Variants in RASL11B observed in about 807,000 individuals in gnomAD.
The protein encoded by RASL11B is RAS like family 11 member B.
Under a neutral mutation model 22.9 loss-of-function variants are expected in RASL11B, and 14 were observed. The ratio of observed to expected loss-of-function variants is 0.61; its 90% CI spans 0.40 to 0.96. The LOEUF (loss-of-function observed/expected upper bound fraction) is 0.96, where lower values mean the gene tolerates loss of function less well. Among genes scored for constraint, RASL11B ranks in the 40% least tolerant of loss-of-function variants. The pLI is 0.00. For missense variants in RASL11B, 261 were observed against 322.0 expected (o/e 0.81, Z 1.45); for synonymous variants, 143 against 130.2 (o/e 1.10, Z -0.67).
chr4:52,864,015 T>A (rs185113011), intron 2 of RASL11B: 2 of 164,906 alleles, frequency 1.2e-5, no homozygotes, highest in African/African-American at 4.8e-5. Flanking sequence ...TCTGATTTGA[T>A]GTAGAGTTGA....
rs770806932 is a variant in RASL11B at position 52,865,804 on chromosome 4, G to A, written c.746G>A (p.Ter249=). The A allele has an allele frequency of 8.1e-6, 13 of 1,610,604 alleles. No homozygotes were observed. In the African/African-American group the frequency reaches 1.7e-4, roughly 22 times the overall value. Residue 249 remains the stop codon, a stop_retained_variant, in exon 4 of 4, where the codon TGA becomes TAA. Coordinates refer to ENST00000248706, the MANE Select transcript of RASL11B (RefSeq NM_023940.3). ...AAAGTGAGGACTGTCACCTCCGTCT[G>A]AAGCAGGAGGAGCACTCAAGGGGGT... ...SAKVRTVTSV[*] is the part of the protein sequence containing the mutation.
At chr4:52,864,575 G>C (rs771777988) in intron 3 of RASL11B, 21 bp downstream of exon 3, 2 of 1,480,748 alleles carry the variant, frequency 1.4e-6, no homozygotes, top group Admixed American at 3.3e-5. Flanking sequence ...CTGAGACTCT[G>C]GGTGAAAGGG....
At chr4:52,864,265 CA>C (rs3841110) in intron 2 of RASL11B, 49,180 of 455,460 alleles carry the variant, frequency 0.11, 3,116 homozygotes, top group Middle Eastern at 0.14. Flanking sequence ...CAAAAACTTG[CA>C]AACTTTGCCC....
At position 52,866,100 on chromosome 4, in the gene RASL11B, A is replaced by G. The variant is rs1718255299; in HGVS notation, c.*295A>G. On this transcript the variant is annotated 3_prime_UTR_variant, in exon 4 of 4. Coordinates refer to ENST00000248706, the MANE Select transcript of RASL11B (RefSeq NM_023940.3). ...ATAATCGTTTCGGTTTCTGCATTCAACTACCTTGTAAATGGTGGTCCGTTG... is the reference window on the plus strand; with the variant it reads ...ATAATCGTTTCGGTTTCTGCATTCAGCTACCTTGTAAATGGTGGTCCGTTG... The G allele has an allele frequency of 9.9e-6, 4 of 404,952 alleles. No individual in the cohort carries two copies. In the South Asian group the frequency reaches 1.6e-4, roughly 16 times the overall value. 25.1% of individuals were successfully genotyped at this position (404,952 alleles called of 1,614,324 possible).
In RASL11B at chr4:52,865,893, A is replaced by AT; in HGVS notation, c.*90dup. On this transcript the variant is annotated 3_prime_UTR_variant, in exon 4 of 4. Transcript: ENST00000248706. ...GCAGGAACGTTGAATATTGGCAATG[A>AT]TTCCTGGTTCCAGAAAGGGCTGGAG... 2.1e-6 allele frequency: 2 copies of AT among 967,446 alleles called. No individual in the cohort carries two copies. The highest frequency in any genetic ancestry group is 5.2e-5 in the East Asian group (2 of 38,644). 59.9% of individuals were successfully genotyped at this position (967,446 alleles called of 1,614,324 possible).
chr4:52,863,233 G>C, intron 1 of RASL11B, 35 bp from the exon 2 acceptor site: 1 of 1,600,784 alleles, frequency 6.2e-7, no homozygotes, highest in African/African-American at 1.3e-5. Flanking sequence ...AACTTCCAAG[G>C]TTAACACTTT....
rs184763091 is a variant in RASL11B, at chr4:52,865,976, A to G, written c.*171A>G. On this transcript the variant is annotated 3_prime_UTR_variant, in exon 4 of 4. Coordinates refer to ENST00000248706, the MANE Select transcript of RASL11B (RefSeq NM_023940.3). ...CAGAAAAGGAAGTGTTGTTCTGAGC[A>G]GGGGGACAGGATTGATGAGGCTTGA... is the stretch of plus-strand genomic sequence containing the variant. 3.6e-5 allele frequency: 22 copies of G among 611,260 alleles called. No individual in the cohort carries two copies. Among genetic ancestry groups the G allele is most frequent in the East Asian group, 3.3e-4 (12 of 36,426 alleles). 37.9% of individuals were successfully genotyped at this position (611,260 alleles called of 1,614,324 possible). A position where few individuals can be genotyped will look rare whatever the true frequency, so the allele number is the denominator to read the frequency against.
intron 1 of RASL11B, 141 bp from the exon 2 acceptor site, chr4:52,863,127 C>A: frequency 1.4e-6 from 1 of 724,148 alleles, no homozygotes; most frequent in South Asian, 1.6e-5. Context: ...AAAGAAGGGT[C>A]AAGGAGCTAC....
intron 2 of RASL11B, chr4:52,864,276 C>T: frequency 2.1e-6 from 1 of 478,100 alleles, no homozygotes; most frequent in Non-Finnish European, 3.7e-6. Context: ...AAACTTTGCC[C>T]TGGTTTTAAT....
chr4:52,863,151 C>A (rs1718193425), intron 1 of RASL11B, 117 bp from the exon 2 acceptor site: 1 of 847,650 alleles, frequency 1.2e-6, no homozygotes, highest in South Asian at 1.5e-5. Context: ...GTAGGAATTT[C>A]ACTTGGTGGC....
Position 52,862,465 on chromosome 4 carries a change from A to G in RASL11B, c.-43A>G. 3 of 1,576,946 alleles carry G rather than the reference A, an allele frequency of 1.9e-6. No individual in the cohort carries two copies. The highest frequency in any genetic ancestry group is 8.6e-7 in the Non-Finnish European group (1 of 1,164,728). On this transcript the variant is annotated 5_prime_UTR_variant, in exon 1 of 4. Coordinates refer to ENST00000248706, the MANE Select transcript of RASL11B (RefSeq NM_023940.3). ...CTCCCGCGCAGCGCTAGCATTCTCC[A>G]GTCCCTCAGTCCCTTCCCGCGCGGT...
In RASL11B at chr4:52,865,490, G is replaced by A; in HGVS notation, c.432G>A (p.Arg144=). 6.2e-7 allele frequency: 1 copy of A among 1,614,210 alleles called. No individual in the cohort carries two copies. The highest frequency in any genetic ancestry group is 2.2e-5 in the East Asian group (1 of 44,878). ...QHVQQLHLGT[R]LPVVVVANKA... is the part of the protein sequence containing the mutation. ...TGCAGCAGCTACACCTGGGCACCCG[G>A]CTGCCTGTGGTGGTCGTGGCCAACA... is the stretch of plus-strand genomic sequence containing the variant. Residue 144 remains arginine (R), a synonymous_variant, in exon 4 of 4, where the codon CGG becomes CGA. Transcript: ENST00000248706.
Position 52,865,620 on chromosome 4 carries a change from AATG to A in RASL11B, c.566_568del (p.Asp189del), listed in dbSNP as rs1718242208. ...TGAAGTGTCTGTCAGTGAAAATTATAATGATGTCTACAGCGCCTTCCACGTCCT... is the reference window on the plus strand; with the variant it reads ...TGAAGTGTCTGTCAGTGAAAATTATAATGTCTACAGCGCCTTCCACGTCCT... On this transcript the variant is annotated inframe_deletion, in exon 4 of 4. Transcript: ENST00000248706. 1 of 1,614,062 alleles carries A rather than the reference AATG, an allele frequency of 6.2e-7. No homozygotes were observed. The highest frequency in any genetic ancestry group is 8.5e-7 in the Non-Finnish European group (1 of 1,180,020).
intron 1 of RASL11B, among the ~76,000 whole-genome samples, chr4:52,862,959 G>T (rs1718188125): frequency 6.6e-6 from 1 of 152,062 alleles, no homozygotes; most frequent in South Asian, 2.1e-4. Context: ...AGTGAAGCTA[G>T]CCCCCCTGGG....
rs1421946268 is a variant in RASL11B, at chr4:52,865,543, T to TTGA, written c.486_488dup (p.Asp163dup). 6.2e-7 allele frequency: 1 copy of TTGA among 1,614,182 alleles called. No individual in the cohort carries two copies. The highest frequency in any genetic ancestry group is 8.5e-7 in the Non-Finnish European group (1 of 1,180,032). On this transcript the variant is annotated inframe_insertion, in exon 4 of 4. Transcript: ENST00000248706. Reference sequence around the variant, plus strand: ...GCTGACCTGTTGCACATCAAACAGGTTGACCCTCAGCTTGGACTGCAGCTA... The same window carrying TTGA: ...GCTGACCTGTTGCACATCAAACAGGTTGATGACCCTCAGCTTGGACTGCAGCTA...
At position 52,865,496 on chromosome 4, in the gene RASL11B, T is replaced by C; in HGVS notation, c.438T>C (p.Pro146=). The stretch of plus-strand genomic sequence containing the variant: ...AGCTACACCTGGGCACCCGGCTGCC[T>C]GTGGTGGTCGTGGCCAACAAAGCTG... The part of the protein sequence containing the change: ...VQQLHLGTRL[P]VVVVANKADL... Residue 146 remains proline, a synonymous_variant, in exon 4 of 4, where the codon CCT becomes CCC. Transcript: ENST00000248706. 1 of 1,614,236 alleles carries C rather than the reference T, an allele frequency of 6.2e-7. No homozygotes were observed.
At chr4:52,862,704 T>C in intron 1 of RASL11B, 55 bp downstream of exon 1, 1 of 1,484,110 alleles carries the variant, frequency 6.7e-7, no homozygotes, top group Admixed American at 2.3e-5. Context: ...TGACGGGAGT[T>C]GAGGCTGAAC....
In RASL11B at chr4:52,862,627, C is replaced by T; in HGVS notation, c.120C>T (p.Gly40=). ...GCCTGGTCAAGATCGCCGTGGTGGG[C>T]GCCAGCGGCGTGGGCAAGACCGGTG... is the stretch of plus-strand genomic sequence containing the variant. ...GRRLVKIAVV[G]ASGVGKTALV... Residue 40 remains glycine (G), a synonymous_variant, in exon 1 of 4, where the codon GGC becomes GGT. Coordinates refer to ENST00000248706, the MANE Select transcript of RASL11B (RefSeq NM_023940.3). 2.5e-6 allele frequency: 4 copies of T among 1,582,852 alleles called. No individual in the cohort carries two copies. The highest frequency in any genetic ancestry group is 2.3e-5 in the South Asian group (2 of 88,108).
intron 2 of RASL11B, 160 bp from the exon 3 acceptor site, chr4:52,864,318 T>C (rs1718219118): frequency 3.4e-6 from 2 of 585,234 alleles, no homozygotes; most frequent in East Asian, 5.5e-5. Context: ...TTGCTGTTGT[T>C]TTTTAAAAAA....
Sources: allele counts gnomAD v4.1 joint callset (sites outside exome capture counted in the v4.1 genomes callset), GRCh38; gene constraint gnomAD v4.1.1; transcripts MANE v1.5; gene names NCBI Gene and HGNC (gene_info 2026-07-23, HGNC 2026-07-21).